Variants in MANBAL observed in about 807,000 individuals in gnomAD.
The protein encoded by MANBAL is mannosidase beta like.
A neutral mutation model predicts 6.4 loss-of-function variants in MANBAL; 1 was observed. The ratio of observed to expected loss-of-function variants is 0.16; its 90% CI spans 0.06 to 0.74. The LOEUF (loss-of-function observed/expected upper bound fraction) is 0.74. Among genes scored for constraint, MANBAL ranks in the 30% least tolerant of loss-of-function variants. The pLI is 0.78. For missense variants in MANBAL, 100 were observed against 107.8 expected, an observed-to-expected ratio of 0.93 and a Z score of 0.32; for synonymous variants, 47 against 45.8, an observed-to-expected ratio of 1.03 and a Z score of -0.10.
At position 37,311,613 on chromosome 20, in the gene MANBAL, G is replaced by A. The variant is rs553785639; in HGVS notation, c.151-4695G>A. Among the ~76,000 whole-genome samples the A allele has an allele frequency of 2.0e-5, 3 of 152,200 alleles. 1 individual carries two copies. Among genetic ancestry groups the A allele is most frequent in the East Asian group, 1.9e-4 (1 of 5,174 alleles). ...AGTGATTCTCCTGCCTCAGCCTCCT[G>A]AGTAGCTGGGATTACAGGCATGCAC... On this transcript the variant is annotated intron_variant, in intron 2 of 2. Coordinates refer to ENST00000373606, the MANE Select transcript of MANBAL (RefSeq NM_001003897.2).
rs561944313 is a variant in MANBAL, at chr20:37,316,365, G to A, written c.208G>A (p.Val70Ile). 6.2e-7 allele frequency: 1 copy of A among 1,613,838 alleles called. No homozygotes were observed. The highest frequency in any genetic ancestry group is 8.5e-7 in the Non-Finnish European group (1 of 1,179,912). ...AEVTRKPKAA[V>I]PSVNKRPKKE... ...GGTGACGAGGAAGCCCAAGGCTGCT[G>A]TTCCTTCTGTGAACAAGAGGCCCAA... is the stretch of plus-strand genomic sequence containing the variant. The change falls in exon 3 of 3, where the codon GTT becomes ATT. Residue 70 changes from valine to isoleucine, a missense_variant. By Grantham distance (29) the Val-to-Ile change is conservative (BLOSUM62 3). Transcript: ENST00000373606.
At chr20:37,298,983 T>C (rs2069067671) in intron 1 of MANBAL, 1 of 151,732 alleles carries the variant, frequency 6.6e-6, no homozygotes, top group Non-Finnish European at 1.5e-5. Flanking sequence ...GTGATGCTTC[T>C]GCCTTGGCCT....
chr20:37,301,941 A>G (rs2069146326), intron 2 of MANBAL, among the ~76,000 whole-genome samples: 1 of 152,240 alleles, frequency 6.6e-6, no homozygotes, highest in Non-Finnish European at 1.5e-5. Flanking sequence ...GGCTAATTCA[A>G]GGAACTGAAT....
intron 2 of MANBAL, 83 bp from the exon 3 acceptor site, chr20:37,316,225 T>G: frequency 7.8e-7 from 1 of 1,281,428 alleles, no homozygotes; most frequent in South Asian, 1.3e-5. Context: ...GTGGCATGCT[T>G]CTTTGCTTTC....
chr20:37,315,886 C>T (rs1388122019), intron 2 of MANBAL, among the ~76,000 whole-genome samples: 2 of 152,254 alleles, frequency 1.3e-5, no homozygotes, highest in East Asian at 1.9e-4. Context: ...ACGAGGTGAT[C>T]GGCCAGTCAC....
intron 2 of MANBAL, among the ~76,000 whole-genome samples, chr20:37,311,978 G>A (rs528996217): frequency 4.9e-4 from 74 of 152,242 alleles, no homozygotes; most frequent in Non-Finnish European, 8.5e-4. Context: ...AGAGCCCGTT[G>A]GAAAGCGGAA....
At chr20:37,295,618 C>T (rs955124369) in intron 1 of MANBAL, among the ~76,000 whole-genome samples, 4 of 152,134 alleles carry the variant, frequency 2.6e-5, no homozygotes, top group African/African-American at 9.7e-5. Context: ...GAAGCCAGCC[C>T]CTTTGAATCT....
intron 1 of MANBAL, among the ~76,000 whole-genome samples, chr20:37,290,757 CT>C (rs1379024749): frequency 6.6e-6 from 1 of 151,956 alleles, no homozygotes; most frequent in Admixed American, 6.6e-5. Context: ...CCACACCCGG[CT>C]TTTTTTTCTT....
At chr20:37,301,474 C>A in intron 2 of MANBAL, 61 bp downstream of exon 2, 2 of 1,544,408 alleles carry the variant, frequency 1.3e-6, no homozygotes, top group Non-Finnish European at 1.8e-6. Flanking sequence ...TGAGTACTAA[C>A]AGTAGGTGCC....
intron 1 of MANBAL, among the ~76,000 whole-genome samples, chr20:37,298,325 A>G (rs919290092): frequency 1.3e-5 from 2 of 152,210 alleles, no homozygotes; most frequent in Non-Finnish European, 1.5e-5. Context: ...AACCGTCATC[A>G]CTGTCTATTT....
At chr20:37,303,190 C>T (rs779933600) in intron 2 of MANBAL, among the ~76,000 whole-genome samples, 22 of 152,300 alleles carry the variant, frequency 1.4e-4, no homozygotes, top group Non-Finnish European at 2.9e-4. Flanking sequence ...GAATTATAGG[C>T]ATGAGCCACT....
chr20:37,308,719 C>T (rs778105781), intron 2 of MANBAL, among the ~76,000 whole-genome samples: 1 of 151,738 alleles, frequency 6.6e-6, no homozygotes, highest in Non-Finnish European at 1.5e-5. Flanking sequence ...TCCCCATAAC[C>T]CTCCTCCAAG....
At chr20:37,316,032 A>G (rs926747350) in intron 2 of MANBAL, among the ~76,000 whole-genome samples, 1 of 152,192 alleles carries the variant, frequency 6.6e-6, no homozygotes, top group African/African-American at 2.4e-5. Flanking sequence ...AGTTTCACAC[A>G]AGGTCAGTTG....
chr20:37,295,065 G>C (rs1204369580), intron 1 of MANBAL, among the ~76,000 whole-genome samples: 1 of 152,186 alleles, frequency 6.6e-6, no homozygotes, highest in Non-Finnish European at 1.5e-5. Context: ...GCAGGACAGG[G>C]CTAGAGACCA....
At chr20:37,290,439 T>TC (rs1568596569) in intron 1 of MANBAL, among the ~76,000 whole-genome samples, 1 of 144,370 alleles carries the variant, frequency 6.9e-6, no homozygotes, top group Non-Finnish European at 1.6e-5. Flanking sequence ...TCTTTTTCTT[T>TC]CCTTTTTTTT....
At chr20:37,291,505 A>C (rs145971045) in intron 1 of MANBAL, among the ~76,000 whole-genome samples, 1 of 152,204 alleles carries the variant, frequency 6.6e-6, no homozygotes, top group Non-Finnish European at 1.5e-5. Flanking sequence ...TGAAGATAGT[A>C]CTGACTGGTC....
In MANBAL at chr20:37,316,495, C is replaced by A; in HGVS notation, c.*80C>A. 1 of 1,271,464 alleles carries A rather than the reference C, an allele frequency of 7.9e-7. No homozygotes were observed. Among genetic ancestry groups the A allele is most frequent in the Non-Finnish European group, 1.1e-6 (1 of 905,524 alleles). The allele number at this position is 1,271,464 out of a possible 1,614,324, so 78.8% of individuals were successfully genotyped here. A position where few individuals can be genotyped will look rare whatever the true frequency, so the allele number is the denominator to read the frequency against. On this transcript the variant is annotated 3_prime_UTR_variant, in exon 3 of 3. Transcript: ENST00000373606. The stretch of plus-strand genomic sequence containing the variant: ...CCTGGGAATCTACATTGTGTTCCCC[C>A]GCATTCCAGGCTCAGGGTCTGAGGA...
At chr20:37,314,328 T>G (rs1360354666) in intron 2 of MANBAL, among the ~76,000 whole-genome samples, 3 of 152,052 alleles carry the variant, frequency 2.0e-5, no homozygotes, top group Non-Finnish European at 4.4e-5. Context: ...CAGTCCTGAT[T>G]GTCTGGCAGA....
Position 37,316,336 on chromosome 20 carries a change from C to A in MANBAL, c.179C>A (p.Ala60Asp). Reference protein sequence around the residue: ...AEAEPSEPRSAEVTRKPKAAV... With the variant: ...AEAEPSEPRSDEVTRKPKAAV... ...GCTGAACCGTCTGAGCCCAGAAGTG[C>A]TGAGGTGACGAGGAAGCCCAAGGCT... Residue 60 changes from alanine to aspartate, a missense_variant, in exon 3 of 3, where the codon GCT becomes GAT. By Grantham distance (126) the Ala-to-Asp change is moderately radical. Transcript: ENST00000373606. The A allele has an allele frequency of 6.2e-7, 1 of 1,613,774 alleles. No individual in the cohort carries two copies. Among genetic ancestry groups the A allele is most frequent in the Non-Finnish European group, 8.5e-7 (1 of 1,179,856 alleles).
Sources: allele counts gnomAD v4.1 joint callset (sites outside exome capture counted in the v4.1 genomes callset), GRCh38; gene constraint gnomAD v4.1.1; transcripts MANE v1.5; gene names NCBI Gene and HGNC (gene_info 2026-07-23, HGNC 2026-07-21).